The following KIRREL3 variants were observed in gnomAD, a reference collection of about 807,000 sequenced individuals.
KIRREL3 encodes kirre like nephrin family adhesion molecule 3.
KIRREL3 carries 36 observed loss-of-function variants against 89.7 expected under a neutral mutation model. The observed-to-expected ratio is 0.40, with a 90% CI of 0.31 to 0.53. The LOEUF (loss-of-function observed/expected upper bound fraction) is 0.53. KIRREL3 is among the 20% of genes least tolerant of loss of function. The probability of loss-of-function intolerance (pLI) is 0.49; values close to 1 mark genes in which losing one functional copy is unlikely to be tolerated. For synonymous variants in KIRREL3, 445 were observed against 441.4 expected, an observed-to-expected ratio of 1.01 and a Z score of -0.10; for missense variants, 864 against 1,056.6, an observed-to-expected ratio of 0.82 and a Z score of 2.53.
intron 1 of KIRREL3, chr11:126,937,206 C>T (rs1468451612): frequency 6.6e-6 from 1 of 152,178 alleles, no homozygotes. Context: ...GGATATGACC[C>T]GTCAACTAGT....
Position 126,491,390 on chromosome 11 carries a change from G to A in KIRREL3, c.434-17924C>T, listed in dbSNP as rs1292868468. ...ACACTTGCTCTCAGGGGGAAAGAAA[G>A]CGCCCTCTCTTCCTGCAGGGCTGGC... is the stretch of plus-strand genomic sequence containing the variant. On this transcript the variant is annotated intron_variant, in intron 4 of 16. Coordinates refer to ENST00000525144, the MANE Select transcript of KIRREL3 (RefSeq NM_032531.4). This position sits in a 1 kb window ranked among gnomAD's most constrained non-coding sequence, Gnocchi z 5.5. 6.6e-6 allele frequency among the ~76,000 whole-genome samples: 1 copy of A among 152,198 alleles called. No homozygotes were observed. The highest frequency in any genetic ancestry group is 1.5e-5 in the Non-Finnish European group (1 of 68,038).
At chr11:126,842,652 T>G (rs1323025060) in intron 1 of KIRREL3, among the ~76,000 whole-genome samples, 1 of 152,206 alleles carries the variant, frequency 6.6e-6, no homozygotes, top group African/African-American at 2.4e-5. Context: ...CCTACACGTG[T>G]TGGTTTATAA....
intron 1 of KIRREL3, among the ~76,000 whole-genome samples, chr11:126,760,011 C>A (rs1349947213): frequency 6.6e-6 from 1 of 152,216 alleles, no homozygotes; most frequent in South Asian, 2.1e-4. Context: ...GACAGAAAGA[C>A]CTCTGAGATT....
intron 1 of KIRREL3, among the ~76,000 whole-genome samples, chr11:126,974,676 G>T (rs375748887): frequency 7.9e-5 from 12 of 151,794 alleles, no homozygotes; most frequent in African/African-American, 2.7e-4. Context: ...AGGCTACATG[G>T]TATAGCCTGT....
rs1332145793 is a variant in KIRREL3, at chr11:126,772,997, G to A, written c.56-210085C>T. Among the ~76,000 whole-genome samples the A allele has an allele frequency of 6.6e-6, 1 of 152,192 alleles. No individual in the cohort carries two copies. Among genetic ancestry groups the A allele is most frequent in the African/African-American group, 2.4e-5 (1 of 41,444 alleles). On this transcript the variant is annotated intron_variant, in intron 1 of 16. Transcript: ENST00000525144. This position sits in a 1 kb window ranked among gnomAD's most constrained non-coding sequence, Gnocchi z 4.6. ...GCTATGGAAACATTTAGTGACATCA[G>A]TGATCTTGTGAAAGCCACTAAAGGT... is the stretch of plus-strand genomic sequence containing the variant.
At chr11:126,583,769 G>C (rs1316246436) in intron 1 of KIRREL3, among the ~76,000 whole-genome samples, 2 of 152,136 alleles carry the variant, frequency 1.3e-5, no homozygotes, top group Non-Finnish European at 2.9e-5. Flanking sequence ...CTCCCTAAAT[G>C]GAGGCTCCTG....
Position 126,668,741 on chromosome 11 carries a change from CTTT to C in KIRREL3, c.56-105832_56-105830del, listed in dbSNP as rs1945796850. ...TCTTTCTTTCTTTCTTTCTTTCTTT[CTTT>C]CTTTCTTTCTTTTTTCTCTTTCTTT... On this transcript the variant is annotated intron_variant, in intron 1 of 16. Coordinates refer to ENST00000525144, the MANE Select transcript of KIRREL3 (RefSeq NM_032531.4). The surrounding 1 kb of genome is among the most constrained non-coding windows in gnomAD (Gnocchi z 4.4). 7.6e-6 allele frequency among the ~76,000 whole-genome samples: 1 copy of C among 130,808 alleles called. No individual in the cohort carries two copies. The highest frequency in any genetic ancestry group is 1.7e-5 in the Non-Finnish European group (1 of 59,818). The allele number at this position is 130,808 out of a possible 152,430, so 85.8% of individuals were successfully genotyped here.
intron 1 of KIRREL3, among the ~76,000 whole-genome samples, chr11:126,680,617 T>G (rs1294091676): frequency 1.3e-5 from 2 of 152,078 alleles, no homozygotes; most frequent in Non-Finnish European, 2.9e-5. Context: ...CCATGAAGAT[T>G]AACTTATCTG....
At chr11:126,738,904 C>T (rs912503493) in intron 1 of KIRREL3, among the ~76,000 whole-genome samples, 81 of 152,330 alleles carry the variant, frequency 5.3e-4, no homozygotes, top group African/African-American at 1.9e-3. Flanking sequence ...TCTTATTCTT[C>T]CACACAGGGT....
chr11:126,620,201 C>T lies in KIRREL3; in HGVS notation c.56-57289G>A, dbSNP rs1215091355. Among the ~76,000 whole-genome samples the T allele has an allele frequency of 6.6e-6, 1 of 152,166 alleles. No homozygotes were observed. Among genetic ancestry groups the T allele is most frequent in the Non-Finnish European group, 1.5e-5 (1 of 68,034 alleles). ...TCCTTCTTAAAATTTTTCCAATCAG[C>T]TATTATAGTTCCCTTTAGTTCTTTC... is the stretch of plus-strand genomic sequence containing the variant. On this transcript the variant is annotated intron_variant, in intron 1 of 16. Transcript: ENST00000525144. This position sits in a 1 kb window ranked among gnomAD's most constrained non-coding sequence, Gnocchi z 4.8.
At chr11:126,504,481 T>C (rs961638644) in intron 4 of KIRREL3, among the ~76,000 whole-genome samples, 16 of 152,208 alleles carry the variant, frequency 1.1e-4, no homozygotes, top group African/African-American at 3.9e-4. Context: ...AGTCAGCTTC[T>C]AGAGGAAAAA....
intron 1 of KIRREL3, among the ~76,000 whole-genome samples, chr11:126,718,669 T>A (rs1471778304): frequency 6.6e-6 from 1 of 152,236 alleles, no homozygotes; most frequent in Non-Finnish European, 1.5e-5. Context: ...TTTTATTTAC[T>A]CTCAATAATA....
chr11:126,673,169 C>A (rs998834385), intron 1 of KIRREL3, among the ~76,000 whole-genome samples: 1 of 152,226 alleles, frequency 6.6e-6, no homozygotes, highest in African/African-American at 2.4e-5. Context: ...GACAGCTACA[C>A]CTGCAAAGAC....
At chr11:126,869,512 T>C (rs565015738) in intron 1 of KIRREL3, among the ~76,000 whole-genome samples, 11 of 152,298 alleles carry the variant, frequency 7.2e-5, no homozygotes, top group Admixed American at 6.5e-4. Context: ...ATTGAAGAGA[T>C]ATGCATATTT....
At chr11:126,707,733 A>C (rs1374623713) in intron 1 of KIRREL3, among the ~76,000 whole-genome samples, 1 of 152,094 alleles carries the variant, frequency 6.6e-6, no homozygotes, top group African/African-American at 2.4e-5. Context: ...TCTTCTCAGC[A>C]CTTCTTTAGA....
intron 1 of KIRREL3, among the ~76,000 whole-genome samples, chr11:126,765,323 A>C (rs1949788927): frequency 6.6e-6 from 1 of 152,206 alleles, no homozygotes; most frequent in Non-Finnish European, 1.5e-5. Context: ...GCTTATCTAC[A>C]CATGAGAGTC....
Position 126,983,629 on chromosome 11 carries a change from G to T in KIRREL3, c.55+16826C>A, listed in dbSNP as rs989983579. 6.6e-6 allele frequency among the ~76,000 whole-genome samples: 1 copy of T among 152,274 alleles called. No homozygotes were observed. The highest frequency in any genetic ancestry group is 6.5e-5 in the Admixed American group (1 of 15,306). ...GGAGGAAGGGGCCACGAGCCAAGGA[G>T]TGTAGGCACTCTGCCTCTAGAAGCC... On this transcript the variant is annotated intron_variant, in intron 1 of 16. Transcript: ENST00000525144. This position sits in a 1 kb window ranked among gnomAD's most constrained non-coding sequence, Gnocchi z 4.9.
Position 126,957,557 on chromosome 11 carries a change from G to A in KIRREL3, c.55+42898C>T, listed in dbSNP as rs114985154. ...AAGAATAGAGCCTCTAGCACTGCCA[G>A]CTCTGCAATTTCTAAGTCAAAGAAG... On this transcript the variant is annotated intron_variant, in intron 1 of 16. Transcript: ENST00000525144. Among the ~76,000 whole-genome samples, 299 of 152,322 alleles carry A rather than the reference G, an allele frequency of 2.0e-3. 1 individual carries two copies. The highest frequency in any genetic ancestry group is 6.8e-3 in the African/African-American group (282 of 41,570).
chr11:126,857,732 T>C (rs928021862), intron 1 of KIRREL3, among the ~76,000 whole-genome samples: 1 of 136,112 alleles, frequency 7.3e-6, no homozygotes, highest in Admixed American at 8.7e-5. Flanking sequence ...CTTCCTTGCC[T>C]GATTCCAAAG....
Sources: gnomAD v4.1 joint callset for allele counts (sites outside exome capture counted in the v4.1 genomes callset) on GRCh38, gnomAD v4.1.1 for gene constraint, Gnocchi (gnomAD v3.1) non-coding constraint, MANE v1.5 for transcripts, NCBI Gene and HGNC (gene_info 2026-07-23, HGNC 2026-07-21) for gene names.